The following ZNF292 variants were observed in gnomAD, a reference collection of about 807,000 sequenced individuals.
The protein encoded by ZNF292 is zinc finger protein 292.
A neutral mutation model predicts 217.9 loss-of-function variants in ZNF292; 26 were observed. The observed-to-expected ratio is 0.12, with a 90% CI of 0.09 to 0.17. The LOEUF (loss-of-function observed/expected upper bound fraction) is 0.17. ZNF292 is among the 10% of genes least tolerant of loss of function. The pLI is 1.00. For missense variants in ZNF292, 2,904 were observed against 3,175.2 expected (o/e 0.91, Z 2.05); for synonymous variants, 1,257 against 1,124.1 (o/e 1.12, Z -2.37).
intron 1 of ZNF292, among the ~76,000 whole-genome samples, chr6:87,174,670 T>C (rs1452661538): frequency 6.6e-6 from 1 of 152,212 alleles, no homozygotes; most frequent in Admixed American, 6.5e-5. Context: ...TACCTTTGAT[T>C]TAATTTTTAA....
At position 87,258,560 on chromosome 6, in the gene ZNF292, C is replaced by T; in HGVS notation, c.4931C>T (p.Ser1644Phe). The T allele has an allele frequency of 6.2e-7, 1 of 1,613,730 alleles. No homozygotes were observed. The highest frequency in any genetic ancestry group is 8.5e-7 in the Non-Finnish European group (1 of 1,179,786). The change falls in exon 8 of 8, where the codon TCC becomes TTC. Residue 1644 changes from serine to phenylalanine, a missense_variant. Ser to Phe is a radical substitution (Grantham distance 155). Coordinates refer to ENST00000369577, the MANE Select transcript of ZNF292 (RefSeq NM_015021.3). Reference sequence around the variant, plus strand: ...CCTCCACTAATTGCACCTAACGCTTCCCAAAACTTGGTAACAAGTGACTTA... The same window carrying T: ...CCTCCACTAATTGCACCTAACGCTTTCCAAAACTTGGTAACAAGTGACTTA... ...VAPPLIAPNA[S>F]QNLVTSDLTT...
intron 4 of ZNF292, among the ~76,000 whole-genome samples, chr6:87,221,429 C>T (rs961294282): frequency 6.6e-6 from 1 of 152,182 alleles, no homozygotes; most frequent in Admixed American, 6.5e-5. Context: ...TCAAACACTT[C>T]TAGAGTATGG....
At position 87,161,432 on chromosome 6, in the gene ZNF292, A is replaced by G. The variant is rs569214021; in HGVS notation, c.168+5673A>G. 1.9e-4 allele frequency among the ~76,000 whole-genome samples: 29 copies of G among 152,252 alleles called. No homozygotes were observed. The South Asian group carries it at 6.0e-3, about 32-fold the overall frequency. ...TAACAAATTGTTTTGCTTTATTTTT[A>G]TTTTTTTGAGACAGGGTCTCCACTC... is the stretch of plus-strand genomic sequence containing the variant. On this transcript the variant is annotated intron_variant, in intron 1 of 7. Transcript: ENST00000369577.
intron 4 of ZNF292, among the ~76,000 whole-genome samples, chr6:87,227,503 T>A (rs1773416382): frequency 6.6e-6 from 1 of 152,202 alleles, no homozygotes; most frequent in African/African-American, 2.4e-5. Flanking sequence ...TTTGGTAATG[T>A]CAAATACATT....
intron 5 of ZNF292, among the ~76,000 whole-genome samples, chr6:87,239,385 G>T (rs1439908710): frequency 3.3e-4 from 16 of 48,688 alleles, no homozygotes; most frequent in African/African-American, 1.2e-3. Flanking sequence ...GGCGGCTGGC[G>T]GGCCGGGGGC....
At chr6:87,215,541 G>T (rs1417110967) in intron 1 of ZNF292, among the ~76,000 whole-genome samples, 5 of 152,084 alleles carry the variant, frequency 3.3e-5, no homozygotes, top group Non-Finnish European at 7.4e-5. Context: ...ATAGAAAACA[G>T]ATATTATTTC....
intron 1 of ZNF292, among the ~76,000 whole-genome samples, chr6:87,159,014 C>T (rs1263931256): frequency 2.6e-5 from 4 of 152,152 alleles, no homozygotes; most frequent in Non-Finnish European, 5.9e-5. Context: ...TTTGCATTTA[C>T]TTTAAAAAAT....
intron 1 of ZNF292, among the ~76,000 whole-genome samples, chr6:87,167,768 C>T (rs1770963689): frequency 6.6e-6 from 1 of 152,200 alleles, no homozygotes; most frequent in Non-Finnish European, 1.5e-5. Context: ...ATATATTTTA[C>T]TGCTCTTTAT....
At chr6:87,240,155 G>C (rs1386445273) in intron 5 of ZNF292, among the ~76,000 whole-genome samples, 2 of 152,210 alleles carry the variant, frequency 1.3e-5, no homozygotes, top group African/African-American at 2.4e-5. Context: ...CTGGAGACCA[G>C]CCCGGCCAAC....
intron 1 of ZNF292, among the ~76,000 whole-genome samples, chr6:87,185,793 T>G (rs896103989): frequency 3.3e-5 from 5 of 152,172 alleles, no homozygotes; most frequent in African/African-American, 1.2e-4. Context: ...CTTTTTATTT[T>G]TTATTTTTTA....
rs1320199248 is a variant in ZNF292 at position 87,263,147 on chromosome 6, A to G, written c.*1346A>G. Reference sequence around the variant, plus strand: ...CTCTTACAGTTTAGCTTTATTCACCATATTTATACTGTGGATTCACAGCGA... The same window carrying G: ...CTCTTACAGTTTAGCTTTATTCACCGTATTTATACTGTGGATTCACAGCGA... On this transcript the variant is annotated 3_prime_UTR_variant, in exon 8 of 8. Coordinates refer to ENST00000369577, the MANE Select transcript of ZNF292 (RefSeq NM_015021.3). 1 of 152,054 alleles carries G rather than the reference A, an allele frequency of 6.6e-6. No individual in the cohort carries two copies. The highest frequency in any genetic ancestry group is 1.5e-5 in the Non-Finnish European group (1 of 67,918). The allele number at this position is 152,054 out of a possible 1,614,324, so 9.4% of individuals were successfully genotyped here.
chr6:87,180,009 T>C (rs922390355), intron 1 of ZNF292, among the ~76,000 whole-genome samples: 1 of 152,196 alleles, frequency 6.6e-6, no homozygotes, highest in Non-Finnish European at 1.5e-5. Context: ...CTAAATTACC[T>C]CTTCATTACT....
chr6:87,202,350 C>CT (rs887495152), intron 1 of ZNF292, among the ~76,000 whole-genome samples: 1 of 152,026 alleles, frequency 6.6e-6, no homozygotes, highest in Non-Finnish European at 1.5e-5. Context: ...TTTCTAACTG[C>CT]TTTTTTAAAA....
intron 7 of ZNF292, among the ~76,000 whole-genome samples, chr6:87,248,194 ATT>A (rs1774707698): frequency 1.3e-5 from 2 of 152,210 alleles, no homozygotes; most frequent in African/African-American, 4.8e-5. Context: ...TGAATTTTTT[ATT>A]TGTTTTTTAT....
intron 1 of ZNF292, among the ~76,000 whole-genome samples, chr6:87,209,400 A>C (rs953224102): frequency 4.6e-5 from 7 of 152,164 alleles, no homozygotes; most frequent in African/African-American, 1.7e-4. Context: ...GTGCAAAGTG[A>C]ATGTGTCCAG....
At chr6:87,185,544 A>G (rs902136286) in intron 1 of ZNF292, among the ~76,000 whole-genome samples, 13 of 152,136 alleles carry the variant, frequency 8.5e-5, no homozygotes, top group African/African-American at 2.7e-4. Context: ...CAGTGGCACA[A>G]TCTCACTCAT....
intron 4 of ZNF292, among the ~76,000 whole-genome samples, chr6:87,218,941 C>G (rs1282468521): frequency 6.6e-6 from 1 of 152,104 alleles, no homozygotes; most frequent in Admixed American, 6.5e-5. Context: ...AACAGATAAA[C>G]TAGAATTTTT....
intron 1 of ZNF292, among the ~76,000 whole-genome samples, chr6:87,192,364 GTTTT>G (rs568245991): frequency 2.8e-5 from 4 of 142,786 alleles, no homozygotes; most frequent in Non-Finnish European, 6.2e-5. Flanking sequence ...GGTGAGGGTG[GTTTT>G]TTTTTTTTAA....
chr6:87,210,917 A>T (rs1299456474), intron 1 of ZNF292, among the ~76,000 whole-genome samples: 1 of 152,002 alleles, frequency 6.6e-6, no homozygotes, highest in Non-Finnish European at 1.5e-5. Flanking sequence ...AAAGTTGCCA[A>T]TTTTTTTTGT....
Sources: allele counts gnomAD v4.1 joint callset (sites outside exome capture counted in the v4.1 genomes callset), GRCh38; gene constraint gnomAD v4.1.1; transcripts MANE v1.5; gene names NCBI Gene and HGNC (gene_info 2026-07-23, HGNC 2026-07-21).